NUP160: variants seen among roughly 807,000 people sequenced by gnomAD.
NUP160 encodes the protein nuclear pore complex protein Nup160.
In NUP160, 94 loss-of-function variants were observed where a neutral mutation model predicts 196.9. The observed-to-expected ratio is 0.48, with a 90% CI of 0.40 to 0.57. NUP160 has a LOEUF of 0.57. NUP160 is among the 20% of genes least tolerant of loss of function. The pLI is 0.00. For missense variants in NUP160, 1,638 were observed against 1,748.3 expected (o/e 0.94, Z 1.13); for synonymous variants, 605 against 619.7 (o/e 0.98, Z 0.35).
intron 29 of NUP160, among the ~76,000 whole-genome samples, chr11:47,790,319 G>C (rs1256758228): frequency 6.6e-6 from 1 of 151,998 alleles, no homozygotes; most frequent in Non-Finnish European, 1.5e-5. Flanking sequence ...GAGTGCAGTG[G>C]CGCGATCTCA....
At position 47,848,225 on chromosome 11, in the gene NUP160, T is replaced by G. The variant is rs1282251076; in HGVS notation, c.196A>C (p.Ser66Arg). 1 of 1,614,168 alleles carries G rather than the reference T, an allele frequency of 6.2e-7. No individual in the cohort carries two copies. The highest frequency in any genetic ancestry group is 8.5e-7 in the Non-Finnish European group (1 of 1,180,024). ...TCCCTGGCCATTTCCGTACCAATGC[T>G]GCAGACTGTGAATTCCCGAAAGTGC... The change falls in exon 1 of 36, where the codon AGC becomes CGC. Residue 66 changes from serine to arginine, a missense_variant. Physicochemically the swap from Ser to Arg is moderately radical, Grantham distance 110 (BLOSUM62 -1). Around this residue, in one of 3 missense-constraint regions of NUP160, gnomAD observed 287 missense variants for 259.5 expected, o/e 1.11. Coordinates refer to ENST00000378460, the Ensembl canonical transcript of NUP160.
intron 7 of NUP160, among the ~76,000 whole-genome samples, chr11:47,828,344 A>G (rs952280229): frequency 7.2e-5 from 11 of 152,238 alleles, no homozygotes. Flanking sequence ...AATTAAGAAA[A>G]TAATTTCGTT....
At chr11:47,823,515 G>C (rs1851905092) in intron 7 of NUP160, among the ~76,000 whole-genome samples, 1 of 151,966 alleles carries the variant, frequency 6.6e-6, no homozygotes, top group Non-Finnish European at 1.5e-5. Flanking sequence ...CCATGTAGTA[G>C]CATGTGTCAG....
chr11:47,820,671 C>A (rs1236965278), intron 9 of NUP160, among the ~76,000 whole-genome samples: 2 of 152,134 alleles, frequency 1.3e-5, no homozygotes, highest in Admixed American at 6.6e-5. Flanking sequence ...CCTGCCTCAG[C>A]CTCCTGAGTA....
rs1852200041 is a variant in NUP160 at position 47,837,533 on chromosome 11, G to A, written c.827+12C>T. On this transcript the variant is annotated intron_variant, in intron 5 of 35. Coordinates refer to ENST00000378460, the Ensembl canonical transcript of NUP160. ...CTTGGGCCCTTTGATTTACCTGCCA[G>A]ACACCACTCACCTGATAGCTGTTGG... 6.2e-7 allele frequency: 1 copy of A among 1,610,850 alleles called. No individual in the cohort carries two copies. Among genetic ancestry groups the A allele is most frequent in the Admixed American group, 1.7e-5 (1 of 59,966 alleles).
At chr11:47,835,961 C>A (rs534072379) in intron 6 of NUP160, 152 bp from the exon 7 acceptor site, 33 of 603,850 alleles carry the variant, frequency 5.5e-5, no homozygotes, top group Non-Finnish European at 8.2e-5. Flanking sequence ...AAAGGGCTAA[C>A]ACAGGCCGGG....
At chr11:47,831,894 CTTTTTTTTTTTTTTTTT>C (rs554204043) in intron 7 of NUP160, among the ~76,000 whole-genome samples, 5 of 69,982 alleles carry the variant, frequency 7.1e-5, no homozygotes, top group Admixed American at 2.5e-4. Flanking sequence ...TAATAAATTC[CTTTTTTTTTTTTTTTTT>C]TTTTTTTTTG....
intron 7 of NUP160, among the ~76,000 whole-genome samples, chr11:47,822,842 A>C (rs1851891287): frequency 6.6e-6 from 1 of 152,114 alleles, no homozygotes; most frequent in South Asian, 2.1e-4. Flanking sequence ...TCCTTGTGAT[A>C]GTTTTCTCAG....
At position 47,835,824 on chromosome 11, in the gene NUP160, A is replaced by C. The variant is rs1852162611; in HGVS notation, c.943-15T>G. ...CACATTTGCTCCTGTCCAAGAAAATAGTTAATAGGTGATATTCAAGGGATA... is the reference window on the plus strand; with the variant it reads ...CACATTTGCTCCTGTCCAAGAAAATCGTTAATAGGTGATATTCAAGGGATA... On this transcript the variant is annotated splice_polypyrimidine_tract_variant and intron_variant, in intron 6 of 35. Coordinates refer to ENST00000378460, the Ensembl canonical transcript of NUP160. The C allele has an allele frequency of 6.5e-7, 1 of 1,547,510 alleles. No homozygotes were observed. The highest frequency in any genetic ancestry group is 2.0e-5 in the Admixed American group (1 of 51,082).
exon 35 of NUP160, chr11:47,780,350 T>C (rs369775352): frequency 1.1e-5 from 17 of 1,610,948 alleles, no homozygotes; most frequent in Non-Finnish European, 1.4e-5. Context: ...TACTGCGATG[T>C]TGTGACTGTT....
chr11:47,834,818 G>A (rs975005578), intron 7 of NUP160, among the ~76,000 whole-genome samples: 1 of 152,168 alleles, frequency 6.6e-6, no homozygotes, highest in East Asian at 1.9e-4. Flanking sequence ...CCTGACTTCG[G>A]GGGGAGGAGC....
rs35748617 is a variant in NUP160, at chr11:47,809,256, C to CAAAAA, written c.2242-732_2242-728dup. On this transcript the variant is annotated intron_variant, in intron 17 of 35. Transcript: ENST00000378460. ...GCACAACAGAAGTGAGAACTTGTCTCAAAAAAAAAAAAAAAAAAAAGAATT... is the reference window on the plus strand; with the variant it reads ...GCACAACAGAAGTGAGAACTTGTCTCAAAAAAAAAAAAAAAAAAAAAAAAAGAATT... Among the ~76,000 whole-genome samples, 147 of 94,660 alleles carry CAAAAA rather than the reference C, an allele frequency of 1.6e-3. 2 individuals carry two copies. The highest frequency in any genetic ancestry group is 0.014 in the Middle Eastern group (2 of 138). 62.1% of individuals were successfully genotyped at this position (94,660 alleles called of 152,430 possible).
chr11:47,786,210 T>A (rs2097664428), intron 32 of NUP160, among the ~76,000 whole-genome samples: 1 of 152,142 alleles, frequency 6.6e-6, no homozygotes, highest in African/African-American at 2.4e-5. Flanking sequence ...TTTCCTGATA[T>A]GAAACAGTAA....
chr11:47,835,515 G>C, intron 7 of NUP160, 136 bp downstream of exon 7: 1 of 554,780 alleles, frequency 1.8e-6, no homozygotes, highest in Non-Finnish European at 2.9e-6. Context: ...TCACATAGTA[G>C]CACGAAACCC....
intron 29 of NUP160, among the ~76,000 whole-genome samples, chr11:47,789,237 G>A (rs1045351367): frequency 2.0e-5 from 3 of 152,046 alleles, no homozygotes; most frequent in African/African-American, 7.2e-5. Context: ...GAACTCCTGA[G>A]CTCAAATGAC....
At chr11:47,790,791 C>A (rs2097667464) in intron 29 of NUP160, among the ~76,000 whole-genome samples, 1 of 152,128 alleles carries the variant, frequency 6.6e-6, no homozygotes, top group African/African-American at 2.4e-5. Flanking sequence ...AGTGTCCTTT[C>A]CCCTCAGTGA....
intron 2 of NUP160, among the ~76,000 whole-genome samples, chr11:47,847,428 A>G (rs1332021492): frequency 6.6e-6 from 1 of 152,046 alleles, no homozygotes; most frequent in Non-Finnish European, 1.5e-5. Context: ...CATTGCTACA[A>G]CGTCTTGCAT....
At chr11:47,815,258 A>T (rs963327281) in intron 13 of NUP160, 1 of 377,572 alleles carries the variant, frequency 2.6e-6, no homozygotes, top group African/African-American at 2.1e-5. Flanking sequence ...ATACAATAAA[A>T]TACAAAAAAA....
intron 4 of NUP160, among the ~76,000 whole-genome samples, chr11:47,838,468 G>T (rs1852224171): frequency 6.6e-6 from 1 of 152,178 alleles, no homozygotes; most frequent in African/African-American, 2.4e-5. Context: ...AGCACTTTGG[G>T]AAGCTGAGGC....
Sources: gnomAD v4.1 joint callset for allele counts (sites outside exome capture counted in the v4.1 genomes callset) on GRCh38, gnomAD v4.1.1 for gene constraint, gnomAD v4.1.1 regional missense constraint, MANE v1.5 for transcripts, NCBI Gene and HGNC (gene_info 2026-07-23, HGNC 2026-07-21) for gene names.